The following SLC22A5 variants were observed in gnomAD, a reference collection of about 807,000 sequenced individuals.
SLC22A5 encodes the protein organic cation/carnitine transporter 2.
Under a neutral mutation model 56.7 loss-of-function variants are expected in SLC22A5, and 44 were observed. The ratio of observed to expected loss-of-function variants is 0.78; its 90% CI spans 0.61 to 1.00. The LOEUF (loss-of-function observed/expected upper bound fraction) is 1.00, where lower values mean the gene tolerates loss of function less well. Ranked by LOEUF, SLC22A5 falls within the 50% of genes least tolerant of loss-of-function variation. The pLI is 0.00. For synonymous variants in SLC22A5, 278 were observed against 292.1 expected, an observed-to-expected ratio of 0.95 and a Z score of 0.49; for missense variants, 675 against 723.0, an observed-to-expected ratio of 0.93 and a Z score of 0.76.
At position 132,392,424 on chromosome 5, in the gene SLC22A5, C is replaced by A; in HGVS notation, c.1268-9C>A. The A allele has an allele frequency of 6.2e-7, 1 of 1,613,940 alleles. No homozygotes were observed. The highest frequency in any genetic ancestry group is 8.5e-7 in the Non-Finnish European group (1 of 1,179,776). On this transcript the variant is annotated splice_polypyrimidine_tract_variant and intron_variant, in intron 7 of 9. Coordinates refer to ENST00000245407, the MANE Select transcript of SLC22A5 (RefSeq NM_003060.4). The stretch of plus-strand genomic sequence containing the variant: ...ACCTACTCCTACCCTCTTTCCTTTG[C>A]TTCTCCAGACTTGTATTATTTGGCT...
In SLC22A5 at chr5:132,394,261, A is replaced by G; in HGVS notation, c.1663A>G (p.Thr555Ala). The change falls in exon 10 of 10, where the codon ACA becomes GCA. Residue 555 changes from threonine to alanine, a missense_variant. Physicochemically the swap from Thr to Ala is moderately conservative, Grantham distance 58. Transcript: ENST00000245407. ...GQERPTILKS[T>A]AF ...AGAAAGGCCCACAATCCTTAAAAGC[A>G]CAGCCTTCTAACATCGCTTCCAGTA... 1 of 1,609,030 alleles carries G rather than the reference A, an allele frequency of 6.2e-7. No homozygotes were observed. Among genetic ancestry groups the G allele is most frequent in the South Asian group, 1.1e-5 (1 of 91,004 alleles).
intron 1 of SLC22A5, among the ~76,000 whole-genome samples, chr5:132,375,845 A>G (rs1442933421): frequency 1.3e-5 from 2 of 152,214 alleles, no homozygotes; most frequent in Non-Finnish European, 2.9e-5. Flanking sequence ...GGGTGACAGC[A>G]TTAGACTCGT....
At chr5:132,391,612 G>A (rs1752703903) in intron 7 of SLC22A5, among the ~76,000 whole-genome samples, 1 of 152,174 alleles carries the variant, frequency 6.6e-6, no homozygotes, top group Non-Finnish European at 1.5e-5. Context: ...TTGAGGAGGA[G>A]GGAGAAGGGG....
chr5:132,387,282 C>A (rs535395332), intron 5 of SLC22A5, 131 bp downstream of exon 5: 8 of 978,502 alleles, frequency 8.2e-6, no homozygotes, highest in East Asian at 5.1e-5. Context: ...ACTGCCCATT[C>A]CCCCCATCCC....
Position 132,394,658 on chromosome 5 carries a change from C to A in SLC22A5, c.*386C>A. 1 of 231,210 alleles carries A rather than the reference C, an allele frequency of 4.3e-6. No individual in the cohort carries two copies. 14.3% of individuals were successfully genotyped at this position (231,210 alleles called of 1,614,324 possible). A position where few individuals can be genotyped will look rare whatever the true frequency, so the allele number is the denominator to read the frequency against. ...CCTAATAAGGCTAGAGGTCTAAGTC[C>A]CCCACCCCTTTCCCCACTCCCCTCT... On this transcript the variant is annotated 3_prime_UTR_variant, in exon 10 of 10. Transcript: ENST00000245407.
At chr5:132,390,570 T>C in intron 6 of SLC22A5, 120 bp from the exon 7 acceptor site, 1 of 788,692 alleles carries the variant, frequency 1.3e-6, no homozygotes, top group Admixed American at 1.8e-5. Flanking sequence ...TACTGCTGCC[T>C]TACTAGTCTC....
At chr5:132,372,449 C>T (rs1467733147) in intron 1 of SLC22A5, among the ~76,000 whole-genome samples, 1 of 152,188 alleles carries the variant, frequency 6.6e-6, no homozygotes, top group Non-Finnish European at 1.5e-5. Context: ...CCCCGGCTTA[C>T]TCTAGTCACT....
rs1752449557 is a variant in SLC22A5, at chr5:132,384,282, T to C, written c.633T>C (p.Tyr211=). 6.2e-7 allele frequency: 1 copy of C among 1,614,230 alleles called. No homozygotes were observed. The highest frequency in any genetic ancestry group is 8.5e-7 in the Non-Finnish European group (1 of 1,180,034). The change falls in exon 3 of 10, where the codon TAT becomes TAC. Residue 211 remains tyrosine, a synonymous_variant. Transcript: ENST00000245407. ...VLVGMGQISN[Y]VAAFVLGTEI... Reference sequence around the variant, plus strand: ...TAGGCATGGGCCAGATCTCCAACTATGTGGCAGCATTTGTCCTGGGTATGG... The same window carrying C: ...TAGGCATGGGCCAGATCTCCAACTACGTGGCAGCATTTGTCCTGGGTATGG...
In SLC22A5 at chr5:132,394,668, T is replaced by G; in HGVS notation, c.*396T>G. 4.6e-6 allele frequency: 1 copy of G among 219,676 alleles called. No homozygotes were observed. Among genetic ancestry groups the G allele is most frequent in the African/African-American group, 2.3e-5 (1 of 43,344 alleles). The allele number at this position is 219,676 out of a possible 1,614,324, so 13.6% of individuals were successfully genotyped here. Reference sequence around the variant, plus strand: ...CTAGAGGTCTAAGTCCCCCACCCCTTTCCCCACTCCCCTCTAGTGGTGAAC... The same window carrying G: ...CTAGAGGTCTAAGTCCCCCACCCCTGTCCCCACTCCCCTCTAGTGGTGAAC... On this transcript the variant is annotated 3_prime_UTR_variant, in exon 10 of 10. Transcript: ENST00000245407.
chr5:132,384,453 C>A, intron 3 of SLC22A5, 152 bp downstream of exon 3: 1 of 853,398 alleles, frequency 1.2e-6, no homozygotes, highest in Non-Finnish European at 1.9e-6. Context: ...TACTTACAGG[C>A]AGGGAAACTG....
intron 1 of SLC22A5, among the ~76,000 whole-genome samples, chr5:132,374,524 G>A (rs993739479): frequency 1.7e-4 from 26 of 152,148 alleles, no homozygotes; most frequent in Non-Finnish European, 3.2e-4. Flanking sequence ...GAACCTCACT[G>A]TTACGCCTTT....
chr5:132,394,465 G>T lies in SLC22A5; in HGVS notation c.*193G>T, dbSNP rs1752813765. The stretch of plus-strand genomic sequence containing the variant: ...GGCCCTAGAGCACCACCTTCCTCTA[G>T]GGACACTGGGGCTACCTACAGACAA... On this transcript the variant is annotated 3_prime_UTR_variant, in exon 10 of 10. Coordinates refer to ENST00000245407, the MANE Select transcript of SLC22A5 (RefSeq NM_003060.4). The T allele has an allele frequency of 3.2e-6, 2 of 618,924 alleles. No individual in the cohort carries two copies. The highest frequency in any genetic ancestry group is 1.8e-5 in the African/African-American group (1 of 54,066). The allele number at this position is 618,924 out of a possible 1,614,324, so 38.3% of individuals were successfully genotyped here. A position where few individuals can be genotyped will look rare whatever the true frequency, so the allele number is the denominator to read the frequency against.
chr5:132,378,215 G>A, intron 1 of SLC22A5, 163 bp from the exon 2 acceptor site: 1 of 1,613,370 alleles, frequency 6.2e-7, no homozygotes, highest in South Asian at 1.1e-5. Context: ...AAAGAAGCCT[G>A]CTCTCTGCCT....
At chr5:132,389,091 A>G in intron 6 of SLC22A5, 70 bp downstream of exon 6, 1 of 948,526 alleles carries the variant, frequency 1.1e-6, no homozygotes. Flanking sequence ...CCTCTTGTTT[A>G]CAGACATGCC....
chr5:132,375,110 G>A (rs1479756211), intron 1 of SLC22A5, among the ~76,000 whole-genome samples: 2 of 152,124 alleles, frequency 1.3e-5, no homozygotes, highest in South Asian at 2.1e-4. Flanking sequence ...GGTTCATCTC[G>A]ACTTTGGGCA....
At chr5:132,385,297 C>A (rs2126783519) in intron 3 of SLC22A5, 31 bp from the exon 4 acceptor site, 2 of 1,605,534 alleles carry the variant, frequency 1.2e-6, no homozygotes, top group East Asian at 4.5e-5. Context: ...CCAAATTAAA[C>A]TGCTAACTCG....
rs1333504526 is a variant in SLC22A5, at chr5:132,394,524, C to G, written c.*252C>G. 2 of 552,492 alleles carry G rather than the reference C, an allele frequency of 3.6e-6. No homozygotes were observed. Among genetic ancestry groups the G allele is most frequent in the Non-Finnish European group, 6.5e-6 (2 of 308,456 alleles). 34.2% of individuals were successfully genotyped at this position (552,492 alleles called of 1,614,324 possible). On this transcript the variant is annotated 3_prime_UTR_variant, in exon 10 of 10. Coordinates refer to ENST00000245407, the MANE Select transcript of SLC22A5 (RefSeq NM_003060.4). Reference sequence around the variant, plus strand: ...AAGTCCTAACTATTACAATGATGGACTCAGCACCTCCAAAGCAGTTAATTT... The same window carrying G: ...AAGTCCTAACTATTACAATGATGGAGTCAGCACCTCCAAAGCAGTTAATTT...
chr5:132,377,863 G>A, intron 1 of SLC22A5: 1 of 391,756 alleles, frequency 2.6e-6, no homozygotes, highest in South Asian at 3.7e-5. Context: ...GGACCCGGGG[G>A]TCATTGGCCC....
intron 1 of SLC22A5, chr5:132,377,883 A>C: frequency 2.2e-6 from 1 of 447,584 alleles, no homozygotes. Context: ...CAGGGTGGGA[A>C]CCCGAGCAGA....
Sources: gnomAD v4.1 joint callset for allele counts (sites outside exome capture counted in the v4.1 genomes callset) on GRCh38, gnomAD v4.1.1 for gene constraint, MANE v1.5 for transcripts, NCBI Gene and HGNC (gene_info 2026-07-23, HGNC 2026-07-21) for gene names.